Variants in SGCZ observed in about 807,000 individuals in gnomAD.
The protein encoded by SGCZ is zeta-sarcoglycan.
Under a neutral mutation model 41.3 loss-of-function variants are expected in SGCZ, and 40 were observed. The observed-to-expected ratio is 0.97, with a 90% CI of 0.75 to 1.26. The LOEUF (loss-of-function observed/expected upper bound fraction) is 1.26, where lower values mean the gene tolerates loss of function less well. Among genes scored for constraint, SGCZ ranks in the 50% most tolerant of loss-of-function variants. SGCZ has a pLI of 0.00. For missense variants in SGCZ, 552 were observed against 369.8 expected (o/e 1.49, Z -4.04); for synonymous variants, 206 against 137.5 (o/e 1.50, Z -3.49).
chr8:14,351,423 C>A (rs1300178890), intron 2 of SGCZ, among the ~76,000 whole-genome samples: 1 of 151,968 alleles, frequency 6.6e-6, no homozygotes, highest in African/African-American at 2.4e-5. Flanking sequence ...CTCTTACCTA[C>A]CCTCATTTTT....
chr8:15,057,946 C>G (rs1353396065), intron 1 of SGCZ, among the ~76,000 whole-genome samples: 1 of 152,146 alleles, frequency 6.6e-6, no homozygotes, highest in Non-Finnish European at 1.5e-5. Flanking sequence ...ATACTCTTGC[C>G]ATAAGACACC....
At chr8:14,467,640 C>A (rs752440252) in intron 2 of SGCZ, among the ~76,000 whole-genome samples, 3 of 152,028 alleles carry the variant, frequency 2.0e-5, no homozygotes, top group Non-Finnish European at 4.4e-5. Context: ...TAATAGACAT[C>A]AGAATTCCAA....
intron 1 of SGCZ, among the ~76,000 whole-genome samples, chr8:14,692,345 C>G (rs1301125337): frequency 6.6e-6 from 1 of 152,038 alleles, no homozygotes. Context: ...GGGTGATTTA[C>G]TATTATCATA....
At chr8:14,166,931 CAG>C (rs1489427713) in intron 4 of SGCZ, among the ~76,000 whole-genome samples, 11 of 152,038 alleles carry the variant, frequency 7.2e-5, no homozygotes, top group Non-Finnish European at 1.2e-4. Context: ...TAAATGCATG[CAG>C]AGTCATCTAA....
At chr8:14,342,689 C>T (rs545938389) in intron 2 of SGCZ, among the ~76,000 whole-genome samples, 14 of 151,844 alleles carry the variant, frequency 9.2e-5, no homozygotes, top group Non-Finnish European at 1.9e-4. Context: ...CAGTTTTAGT[C>T]GGGAAGCAGA....
chr8:14,620,769 C>G (rs1018390852), intron 1 of SGCZ, among the ~76,000 whole-genome samples: 1 of 152,104 alleles, frequency 6.6e-6, no homozygotes, highest in African/African-American at 2.4e-5. Context: ...GAACGGCGAT[C>G]ATTAAAAAGT....
intron 1 of SGCZ, among the ~76,000 whole-genome samples, chr8:15,130,245 G>A (rs1173143109): frequency 6.6e-6 from 1 of 152,152 alleles, no homozygotes; most frequent in Non-Finnish European, 1.5e-5. Context: ...TGGTGTGATG[G>A]CTAAGTGGCC....
At chr8:14,621,015 A>G (rs1806266656) in intron 1 of SGCZ, among the ~76,000 whole-genome samples, 1 of 152,122 alleles carries the variant, frequency 6.6e-6, no homozygotes, top group African/African-American at 2.4e-5. Flanking sequence ...CGCTATTGAC[A>G]ATAGCAAAGA....
chr8:15,225,344 G>C (rs1260212559), intron 1 of SGCZ, among the ~76,000 whole-genome samples: 2 of 152,116 alleles, frequency 1.3e-5, no homozygotes, highest in Admixed American at 1.3e-4. Flanking sequence ...CCTAGGACTA[G>C]TTTACTGGTC....
At position 14,706,595 on chromosome 8, in the gene SGCZ, C is replaced by T. The variant is rs537923920; in HGVS notation, c.40-151669G>A. On this transcript the variant is annotated intron_variant, in intron 1 of 7. Coordinates refer to ENST00000382080, the MANE Select transcript of SGCZ (RefSeq NM_139167.4). The stretch of plus-strand genomic sequence containing the variant: ...AGTAATTCTAAGTTGGAATTTGAAG[C>T]TCTAACTCTTTAATTATAATCCCAT... Among the ~76,000 whole-genome samples, 245 of 152,150 alleles carry T rather than the reference C, an allele frequency of 1.6e-3. 2 individuals carry two copies. Among genetic ancestry groups the T allele is most frequent in the Non-Finnish European group, 2.9e-3 (196 of 67,972 alleles).
chr8:14,476,607 G>A (rs1450247556), intron 2 of SGCZ, among the ~76,000 whole-genome samples: 3 of 152,100 alleles, frequency 2.0e-5, no homozygotes, highest in Admixed American at 6.6e-5. Context: ...GTCAATCAGA[G>A]TTTAATAAGA....
intron 3 of SGCZ, among the ~76,000 whole-genome samples, chr8:14,251,492 C>G (rs1195826377): frequency 1.3e-5 from 2 of 152,084 alleles, no homozygotes; most frequent in Non-Finnish European, 2.9e-5. Flanking sequence ...ATGGGCATGT[C>G]TGTATTATAC....
At chr8:14,963,450 T>C (rs945911962) in intron 1 of SGCZ, among the ~76,000 whole-genome samples, 2 of 152,022 alleles carry the variant, frequency 1.3e-5, no homozygotes, top group Non-Finnish European at 2.9e-5. Context: ...GTGATTCTCC[T>C]GCCTCAGCCT....
At chr8:15,136,761 G>C (rs891553718) in intron 1 of SGCZ, among the ~76,000 whole-genome samples, 2 of 152,146 alleles carry the variant, frequency 1.3e-5, no homozygotes, top group South Asian at 4.2e-4. Flanking sequence ...GCAGAACTGT[G>C]AGTCAATTAC....
intron 1 of SGCZ, among the ~76,000 whole-genome samples, chr8:14,582,853 G>A (rs888604149): frequency 3.3e-5 from 5 of 151,202 alleles, no homozygotes; most frequent in Non-Finnish European, 5.9e-5. Context: ...ATTTTTTGTG[G>A]CTGCATAGTA....
At chr8:14,970,048 C>T (rs967906212) in intron 1 of SGCZ, among the ~76,000 whole-genome samples, 10 of 152,234 alleles carry the variant, frequency 6.6e-5, no homozygotes, top group Middle Eastern at 3.4e-3. Flanking sequence ...CATTCTCATA[C>T]AGTCATTTTA....
At chr8:15,205,718 G>C (rs1801038496) in intron 1 of SGCZ, among the ~76,000 whole-genome samples, 1 of 152,106 alleles carries the variant, frequency 6.6e-6, no homozygotes, top group South Asian at 2.1e-4. Flanking sequence ...TACTCAAAGA[G>C]CTAAAAGCAG....
At chr8:14,117,265 T>A (rs943032745) in intron 5 of SGCZ, among the ~76,000 whole-genome samples, 1 of 152,078 alleles carries the variant, frequency 6.6e-6, no homozygotes, top group East Asian at 1.9e-4. Context: ...TCCAGATATG[T>A]GCTTTTACAT....
At chr8:14,354,096 G>T (rs547629178) in intron 2 of SGCZ, among the ~76,000 whole-genome samples, 1 of 151,914 alleles carries the variant, frequency 6.6e-6, no homozygotes, top group African/African-American at 2.4e-5. Flanking sequence ...TGTTTTTCGG[G>T]AAAGGAGTGT....
Sources: gnomAD v4.1 joint callset for allele counts (sites outside exome capture counted in the v4.1 genomes callset) on GRCh38, gnomAD v4.1.1 for gene constraint, MANE v1.5 for transcripts, NCBI Gene and HGNC (gene_info 2026-07-23, HGNC 2026-07-21) for gene names.